SLC12A2: variants seen among roughly 807,000 people sequenced by gnomAD.
SLC12A2 encodes the protein solute carrier family 12 member 2.
A neutral mutation model predicts 136.3 loss-of-function variants in SLC12A2; 67 were observed. That is an observed-to-expected ratio of 0.49 (90% confidence interval 0.40 to 0.60). The LOEUF (loss-of-function observed/expected upper bound fraction) is 0.60. Ranked by LOEUF, SLC12A2 falls within the 20% of genes least tolerant of loss-of-function variation. SLC12A2 has a pLI of 0.00. For missense variants in SLC12A2, 1,322 were observed against 1,534.7 expected (o/e 0.86, Z 2.32); for synonymous variants, 619 against 562.9 (o/e 1.10, Z -1.41).
intron 9 of SLC12A2, 29 bp downstream of exon 9, chr5:128,138,937 C>T (rs760263034): frequency 9.5e-6 from 14 of 1,475,952 alleles, no homozygotes; most frequent in South Asian, 2.3e-5. Context: ...CTTTATGTGT[C>T]GCAGAAATTT....
intron 10 of SLC12A2, among the ~76,000 whole-genome samples, chr5:128,142,540 A>G (rs1184950189): frequency 1.3e-5 from 2 of 152,118 alleles, no homozygotes; most frequent in African/African-American, 2.4e-5. Context: ...ATATATATAT[A>G]TATATTAGTG....
chr5:128,160,788 C>T (rs1438797666), intron 16 of SLC12A2, among the ~76,000 whole-genome samples: 1 of 151,862 alleles, frequency 6.6e-6, no homozygotes, highest in Non-Finnish European at 1.5e-5. Flanking sequence ...TACCTCATGT[C>T]TCATCCCCAG....
chr5:128,131,217 T>G lies in SLC12A2; in HGVS notation c.1188+11T>G, dbSNP rs532389907. The G allele has an allele frequency of 6.2e-7, 1 of 1,612,996 alleles. No homozygotes were observed. Among genetic ancestry groups the G allele is most frequent in the Non-Finnish European group, 8.5e-7 (1 of 1,178,996 alleles). ...GTGGAGTTGCTTAAGGTAATTCACC[T>G]TCCTTCTAGTCATTCGTTTACCAAA... On this transcript the variant is annotated intron_variant, in intron 5 of 26. Transcript: ENST00000262461.
intron 11 of SLC12A2, among the ~76,000 whole-genome samples, chr5:128,148,283 G>A (rs529456364): frequency 8.6e-5 from 13 of 151,690 alleles, no homozygotes; most frequent in African/African-American, 3.1e-4. Context: ...CTGCAGTCTT[G>A]TTCTTAATGC....
At chr5:128,118,010 A>G (rs1328542323) in intron 4 of SLC12A2, among the ~76,000 whole-genome samples, 3 of 152,214 alleles carry the variant, frequency 2.0e-5, no homozygotes, top group South Asian at 2.1e-4. Context: ...TAAAACCTCG[A>G]TGAGATACCA....
At chr5:128,134,035 T>C in intron 5 of SLC12A2, 130 bp from the exon 6 acceptor site, 1 of 546,572 alleles carries the variant, frequency 1.8e-6, no homozygotes, top group Non-Finnish European at 3.3e-6. Flanking sequence ...TTCCATTTAT[T>C]CCTTAAGCAA....
chr5:128,109,854 C>T (rs1321872477), intron 1 of SLC12A2: 5 of 787,276 alleles, frequency 6.4e-6, no homozygotes, highest in Non-Finnish European at 1.2e-5. Context: ...GCCAAATCCC[C>T]ATGTATTTTA....
chr5:128,175,777 T>C lies in SLC12A2; in HGVS notation c.2929+1111T>C, dbSNP rs73337395. 3.0e-3 allele frequency among the ~76,000 whole-genome samples: 456 copies of C among 152,122 alleles called. 1 individual carries two copies. The highest frequency in any genetic ancestry group is 0.01 in the African/African-American group (429 of 41,548). Reference sequence around the variant, plus strand: ...AAAATCTAAATGCCTTTAACTTACTTTATAATTGTTAAATGTCAAGATTTC... The same window carrying C: ...AAAATCTAAATGCCTTTAACTTACTCTATAATTGTTAAATGTCAAGATTTC... On this transcript the variant is annotated intron_variant, in intron 20 of 26. Coordinates refer to ENST00000262461, the MANE Select transcript of SLC12A2 (RefSeq NM_001046.3).
chr5:128,134,098 A>G (rs909947148), intron 5 of SLC12A2, 67 bp from the exon 6 acceptor site: 14 of 802,944 alleles, frequency 1.7e-5, no homozygotes, highest in Admixed American at 4.0e-5. Flanking sequence ...AAAATGTTTC[A>G]AAAGGAGTGT....
At chr5:128,114,433 A>C in intron 3 of SLC12A2, 146 bp downstream of exon 3, 1 of 811,788 alleles carries the variant, frequency 1.2e-6, no homozygotes, top group Non-Finnish European at 2.0e-6. Context: ...TCCTTTTTTC[A>C]TAATTCTGAT....
At chr5:128,096,276 G>A (rs1346491028) in intron 1 of SLC12A2, among the ~76,000 whole-genome samples, 1 of 152,044 alleles carries the variant, frequency 6.6e-6, no homozygotes, top group East Asian at 1.9e-4. Context: ...ACAAAACATG[G>A]TTATGTTGCT....
chr5:128,137,082 T>C (rs1375937127), intron 7 of SLC12A2, among the ~76,000 whole-genome samples: 1 of 152,188 alleles, frequency 6.6e-6, no homozygotes, highest in Admixed American at 6.5e-5. Context: ...CTCCCTGTTA[T>C]CAGATGTTGA....
Position 128,084,497 on chromosome 5 carries a change from G to A in SLC12A2, c.543G>A (p.Glu181=), listed in dbSNP as rs776878459. 1.1e-5 allele frequency: 17 copies of A among 1,612,080 alleles called. No homozygotes were observed. The highest frequency in any genetic ancestry group is 1.4e-5 in the Non-Finnish European group (16 of 1,179,628). ...FQNGGDTVLS[E]GSSLHSGGGG... is the part of the protein sequence containing the mutation. ...ACGGCGGGGACACGGTGCTGAGCGA[G>A]GGCAGCAGCCTGCACTCCGGCGGCG... The change falls in exon 1 of 27, where the codon GAG becomes GAA. Residue 181 remains glutamate, a synonymous_variant. Coordinates refer to ENST00000262461, the MANE Select transcript of SLC12A2 (RefSeq NM_001046.3). This position sits in a 1 kb window ranked among gnomAD's most constrained non-coding sequence, Gnocchi z 5.6.
intron 22 of SLC12A2, among the ~76,000 whole-genome samples, chr5:128,180,169 A>G (rs1010797381): frequency 2.0e-5 from 3 of 151,308 alleles, no homozygotes. Flanking sequence ...ATGGGGTTTC[A>G]TCGTGTTAGC....
At position 128,110,184 on chromosome 5, in the gene SLC12A2, G is replaced by A. The variant is rs568248978; in HGVS notation, c.757-2630G>A. The A allele has an allele frequency of 2.2e-5, 18 of 818,040 alleles. No homozygotes were observed. In the East Asian group the frequency reaches 3.4e-4, roughly 15 times the overall value. The allele number at this position is 818,040 out of a possible 1,614,324, so 50.7% of individuals were successfully genotyped here. On this transcript the variant is annotated intron_variant, in intron 1 of 26. Transcript: ENST00000262461. Reference sequence around the variant, plus strand: ...GAAGATGCCAGATGTAGAGTTCTTTGTTAATTTGGCAGACTGGCCTTTGCT... The same window carrying A: ...GAAGATGCCAGATGTAGAGTTCTTTATTAATTTGGCAGACTGGCCTTTGCT...
rs746897202 is a variant in SLC12A2 at position 128,084,365 on chromosome 5, C to G, written c.411C>G (p.Gly137=). The part of the protein sequence containing the change: ...EPAKGSEEAK[G]RFRVNFVDPA... ...CTAAAGGCAGCGAGGAAGCCAAGGGCCGCTTCCGCGTGAACTTCGTGGACC... is the reference window on the plus strand; with the variant it reads ...CTAAAGGCAGCGAGGAAGCCAAGGGGCGCTTCCGCGTGAACTTCGTGGACC... Residue 137 remains glycine, a synonymous_variant, in exon 1 of 27, where the codon GGC becomes GGG. Coordinates refer to ENST00000262461, the MANE Select transcript of SLC12A2 (RefSeq NM_001046.3). The surrounding 1 kb of genome is among the most constrained non-coding windows in gnomAD (Gnocchi z 5.6). The G allele has an allele frequency of 1.9e-6, 3 of 1,601,726 alleles. No homozygotes were observed. Among genetic ancestry groups the G allele is most frequent in the Admixed American group, 1.7e-5 (1 of 59,388 alleles).
intron 1 of SLC12A2, among the ~76,000 whole-genome samples, chr5:128,107,290 C>A (rs1418197517): frequency 1.3e-5 from 2 of 152,026 alleles, no homozygotes; most frequent in Non-Finnish European, 2.9e-5. Context: ...CGTTTATGCA[C>A]ACTTCTTATT....
chr5:128,160,889 G>A (rs1763015197), intron 16 of SLC12A2, among the ~76,000 whole-genome samples: 1 of 151,792 alleles, frequency 6.6e-6, no homozygotes, highest in Non-Finnish European at 1.5e-5. Flanking sequence ...ATGTAGGGTG[G>A]TAGAAGGATA....
intron 1 of SLC12A2, among the ~76,000 whole-genome samples, chr5:128,103,309 G>T (rs1433675221): frequency 6.6e-6 from 1 of 152,190 alleles, no homozygotes; most frequent in African/African-American, 2.4e-5. Context: ...GCATATGTCG[G>T]AACTGAGGAC....
Sources: allele counts gnomAD v4.1 joint callset (sites outside exome capture counted in the v4.1 genomes callset), GRCh38; gene constraint gnomAD v4.1.1; non-coding constraint Gnocchi (gnomAD v3.1); transcripts MANE v1.5; gene names NCBI Gene and HGNC (gene_info 2026-07-23, HGNC 2026-07-21).